Variants in FAM131B observed in about 807,000 individuals in gnomAD.
FAM131B encodes protein FAM131B.
A neutral mutation model predicts 42.0 loss-of-function variants in FAM131B; 19 were observed. That is an observed-to-expected ratio of 0.45 (90% CI 0.32 to 0.66). The LOEUF (loss-of-function observed/expected upper bound fraction) is 0.66. Ranked by LOEUF, FAM131B falls within the 30% of genes least tolerant of loss-of-function variation. The pLI, the probability that FAM131B is intolerant of heterozygous loss-of-function variation, is 0.05. For missense variants in FAM131B, 370 were observed against 468.4 expected, an observed-to-expected ratio of 0.79 and a Z score of 1.94; for synonymous variants, 183 against 177.6, an observed-to-expected ratio of 1.03 and a Z score of -0.24.
In FAM131B at chr7:143,355,458, G is replaced by C. The variant is rs1396805598; in HGVS notation, c.*1092C>G. The C allele has an allele frequency of 1.3e-5, 2 of 152,616 alleles. No individual in the cohort carries two copies. The highest frequency in any genetic ancestry group is 4.8e-5 in the African/African-American group (2 of 41,420). The allele number at this position is 152,616 out of a possible 1,614,324, so 9.5% of individuals were successfully genotyped here. A position where few individuals can be genotyped will look rare whatever the true frequency, so the allele number is the denominator to read the frequency against. On this transcript the variant is annotated 3_prime_UTR_variant, in exon 7 of 7. Transcript: ENST00000443739. The surrounding 1 kb of genome is among the most constrained non-coding windows in gnomAD (Gnocchi z 4.1). ...CAGAAAGTGCCGAGTGCCCACCCTG[G>C]CCCTCAGCTGCAACCCTGCCTGGCT...
Position 143,360,198 on chromosome 7 carries a change from C to A in FAM131B, c.29-49G>T, listed in dbSNP as rs768895544. On this transcript the variant is annotated intron_variant, in intron 1 of 6. Transcript: ENST00000443739. ...GCCGGCCCTCACCTCCCTGTGCAGC[C>A]GAGGCGACACCCTGGGGCCAGCCCT... The A allele has an allele frequency of 6.4e-6, 10 of 1,559,506 alleles. No homozygotes were observed. The African/African-American group carries it at 6.8e-5, about 11-fold the overall frequency.
chr7:143,356,676 C>A lies in FAM131B; in HGVS notation c.957G>T (p.Arg319=). 6.2e-7 allele frequency: 1 copy of A among 1,614,082 alleles called. No individual in the cohort carries two copies. Among genetic ancestry groups the A allele is most frequent in the South Asian group, 1.1e-5 (1 of 91,076 alleles). ...APEEEEDAGC[R]DLESLSPRED... The stretch of plus-strand genomic sequence containing the variant: ...CTCGTGGGGAAAGTGACTCCAGGTC[C>A]CGGCATCCCGCATCCTCTTCCTCCT... Residue 319 remains arginine, a synonymous_variant, in exon 7 of 7, where the codon CGG becomes CGT. Transcript: ENST00000443739. This position sits in a 1 kb window ranked among gnomAD's most constrained non-coding sequence, Gnocchi z 4.4.
upstream of FAM131B, among the ~76,000 whole-genome samples, chr7:143,367,561 C>T (rs202087841): frequency 1.3e-5 from 2 of 152,046 alleles, no homozygotes; most frequent in Admixed American, 1.3e-4. Flanking sequence ...AAAAATTATC[C>T]GAGCATGGTG....
At chr7:143,376,621 T>C in the FAM131B span, among the ~76,000 whole-genome samples, 1 of 152,172 alleles carries the variant, frequency 6.6e-6, no homozygotes, top group Non-Finnish European at 1.5e-5. Context: ...GCTGTGTGCT[T>C]CACCCAGACC....
intron 5 of FAM131B, 140 bp from the exon 6 acceptor site, chr7:143,357,563 G>A: frequency 1.9e-6 from 1 of 520,002 alleles, no homozygotes; most frequent in Non-Finnish European, 3.1e-6. Context: ...TTTTCCAGTA[G>A]CCACATTTAA....
Position 143,362,505 on chromosome 7 carries a change from A to C in FAM131B, c.28+71T>G. On this transcript the variant is annotated intron_variant, in intron 1 of 6. Coordinates refer to ENST00000443739, the MANE Select transcript of FAM131B (RefSeq NM_001031690.3). This position sits in a 1 kb window ranked among gnomAD's most constrained non-coding sequence, Gnocchi z 7.7. ...GCGGGGCGCCCGGAGGCGCGAGGAG[A>C]GGGATGGGGGAGGGGGTCGGAGGGC... 3 of 548,908 alleles carry C rather than the reference A, an allele frequency of 5.5e-6. No individual in the cohort carries two copies. Among genetic ancestry groups the C allele is most frequent in the East Asian group, 5.0e-5 (1 of 20,198 alleles). The allele number at this position is 548,908 out of a possible 1,614,324, so 34.0% of individuals were successfully genotyped here. A position where few individuals can be genotyped will look rare whatever the true frequency, so the allele number is the denominator to read the frequency against.
At chr7:143,375,203 T>C in the FAM131B span, among the ~76,000 whole-genome samples, 4 of 152,256 alleles carry the variant, frequency 2.6e-5, no homozygotes, top group Non-Finnish European at 5.9e-5. Context: ...GAGCTTTCAA[T>C]GGTTCTGGAA....
rs1283007794 is a variant in FAM131B, at chr7:143,356,591, C to T, written c.1042G>A (p.Val348Met). Residue 348 changes from valine (V) to methionine (M), a missense_variant, in exon 7 of 7, where the codon GTG becomes ATG. By Grantham distance (21) the Val-to-Met change is conservative. Coordinates refer to ENST00000443739, the MANE Select transcript of FAM131B (RefSeq NM_001031690.3). The surrounding 1 kb of genome is among the most constrained non-coding windows in gnomAD (Gnocchi z 4.4). ...CCTTCCTCCTCATCAAAGGACTGCACACCTGAGGATGTGACGTCAGACACC... is the reference window on the plus strand; with the variant it reads ...CCTTCCTCCTCATCAAAGGACTGCATACCTGAGGATGTGACGTCAGACACC... The part of the protein sequence containing the change: ...RKVSDVTSSG[V>M]QSFDEEEGEA... 1.9e-6 allele frequency: 3 copies of T among 1,613,846 alleles called. No homozygotes were observed. The highest frequency in any genetic ancestry group is 2.5e-6 in the Non-Finnish European group (3 of 1,180,000).
In FAM131B at chr7:143,356,832, T is replaced by C; in HGVS notation, c.801A>G (p.Gln267=). 5.6e-6 allele frequency: 9 copies of C among 1,613,992 alleles called. No homozygotes were observed. The highest frequency in any genetic ancestry group is 1.3e-5 in the African/African-American group (1 of 74,968). ...QPSLHEMGPS[Q]PASGYSALEP... is the part of the protein sequence containing the mutation. ...CCAGAGCAGAGTATCCTGAAGCTGG[T>C]TGGGAAGGTCCCATTTCATGCAAGC... Residue 267 remains glutamine, a synonymous_variant, in exon 7 of 7, where the codon CAA becomes CAG. Transcript: ENST00000443739. The surrounding 1 kb of genome is among the most constrained non-coding windows in gnomAD (Gnocchi z 4.4).
chr7:143,357,024 T>C lies in FAM131B; in HGVS notation c.611-2A>G. ...CCATGGGTGCTTGAGCCAGGGCATC[T>C]GGAAAAAGAATCATGGAGGTCAGTG... On this transcript the variant is annotated splice_acceptor_variant, in intron 6 of 6. Transcript: ENST00000443739. LOFTEE classifies it high-confidence loss of function. 6.2e-7 allele frequency: 1 copy of C among 1,605,902 alleles called. No homozygotes were observed. The highest frequency in any genetic ancestry group is 8.5e-7 in the Non-Finnish European group (1 of 1,173,152).
chr7:143,359,590 A>G lies in FAM131B; in HGVS notation c.174+142T>C. ...AGGGATATATCCCCAGTGCTCTGGA[A>G]AACTGGGGCACAGGTTGAGAACGTG... On this transcript the variant is annotated intron_variant, in intron 3 of 6. Coordinates refer to ENST00000443739, the MANE Select transcript of FAM131B (RefSeq NM_001031690.3). The surrounding 1 kb of genome is among the most constrained non-coding windows in gnomAD (Gnocchi z 5.4). 1 of 977,312 alleles carries G rather than the reference A, an allele frequency of 1.0e-6. No individual in the cohort carries two copies. The highest frequency in any genetic ancestry group is 1.6e-6 in the Non-Finnish European group (1 of 622,660). The allele number at this position is 977,312 out of a possible 1,614,324, so 60.5% of individuals were successfully genotyped here. A position where few individuals can be genotyped will look rare whatever the true frequency, so the allele number is the denominator to read the frequency against.
the FAM131B span, among the ~76,000 whole-genome samples, chr7:143,369,975 G>T: frequency 6.6e-6 from 1 of 152,212 alleles, no homozygotes; most frequent in Non-Finnish European, 1.5e-5. Flanking sequence ...ACACAGGCAG[G>T]AAGGTCCAAA....
rs1803629878 is a variant in FAM131B at position 143,355,980 on chromosome 7, GCAGCCTCTC to G, written c.*561_*569del. 1 of 155,978 alleles carries G rather than the reference GCAGCCTCTC, an allele frequency of 6.4e-6. No homozygotes were observed. Among genetic ancestry groups the G allele is most frequent in the African/African-American group, 2.4e-5 (1 of 41,424 alleles). 9.7% of individuals were successfully genotyped at this position (155,978 alleles called of 1,614,324 possible). On this transcript the variant is annotated 3_prime_UTR_variant, in exon 7 of 7. Coordinates refer to ENST00000443739, the MANE Select transcript of FAM131B (RefSeq NM_001031690.3). This position sits in a 1 kb window ranked among gnomAD's most constrained non-coding sequence, Gnocchi z 4.1. ...CTCAGAAGCCAAATGACCTGCTGAG[GCAGCCTCTC>G]CACCCTCCCCATGGACGTGCCCTTC...
rs757478690 is a variant in FAM131B at position 143,359,633 on chromosome 7, T to C, written c.174+99A>G. 6 of 1,225,484 alleles carry C rather than the reference T, an allele frequency of 4.9e-6. No homozygotes were observed. The highest frequency in any genetic ancestry group is 2.5e-5 in the East Asian group (1 of 39,460). 75.9% of individuals were successfully genotyped at this position (1,225,484 alleles called of 1,614,324 possible). On this transcript the variant is annotated intron_variant, in intron 3 of 6. Coordinates refer to ENST00000443739, the MANE Select transcript of FAM131B (RefSeq NM_001031690.3). The surrounding 1 kb of genome is among the most constrained non-coding windows in gnomAD (Gnocchi z 5.4). ...AGAACGTGAGTGCTCACAGTGCCTA[T>C]TGGAGCCAGGGAATACCGTGCTGGT...
At chr7:143,366,042 G>A (rs899696039), upstream of FAM131B, among the ~76,000 whole-genome samples, 13 of 152,102 alleles carry the variant, frequency 8.5e-5, no homozygotes, top group Admixed American at 3.3e-4. Flanking sequence ...GTGAGCCATC[G>A]CACCTGGCCA....
chr7:143,374,794 C>T, the FAM131B span, among the ~76,000 whole-genome samples: 1 of 152,170 alleles, frequency 6.6e-6, no homozygotes, highest in Non-Finnish European at 1.5e-5. Flanking sequence ...ATATTCCTCT[C>T]CTTCCACTTT....
chr7:143,381,603 C>G, the FAM131B span: 1 of 1,611,702 alleles, frequency 6.2e-7, no homozygotes, highest in East Asian at 2.2e-5. Flanking sequence ...CCCGCGATCT[C>G]CGTTTCGGTC....
At chr7:143,368,717 A>G in the FAM131B span, among the ~76,000 whole-genome samples, 1 of 152,094 alleles carries the variant, frequency 6.6e-6, no homozygotes, top group Non-Finnish European at 1.5e-5. Context: ...CTGACAGCCT[A>G]CCTCTCAGAT....
chr7:143,378,442 G>A, the FAM131B span, among the ~76,000 whole-genome samples: 3 of 130,226 alleles, frequency 2.3e-5, no homozygotes, highest in African/African-American at 7.7e-5. Flanking sequence ...AAGCTGTTGG[G>A]CATTCTTTAG....
Sources: allele counts gnomAD v4.1 joint callset (sites outside exome capture counted in the v4.1 genomes callset), GRCh38; gene constraint gnomAD v4.1.1; non-coding constraint Gnocchi (gnomAD v3.1); transcripts MANE v1.5; gene names NCBI Gene and HGNC (gene_info 2026-07-23, HGNC 2026-07-21).